RIMS1: variants seen among roughly 807,000 people sequenced by gnomAD.
The protein encoded by RIMS1 is regulating synaptic membrane exocytosis protein 1.
In RIMS1, 83 loss-of-function variants were observed where a neutral mutation model predicts 214.1. The ratio of observed to expected loss-of-function variants is 0.39; its 90% CI spans 0.32 to 0.47. RIMS1 has a LOEUF of 0.47. Among genes scored for constraint, RIMS1 ranks in the 20% least tolerant of loss-of-function variants. RIMS1 has a pLI of 0.99. For missense variants in RIMS1, 2,050 were observed against 2,161.8 expected (o/e 0.95, Z 1.03); for synonymous variants, 793 against 786.8 (o/e 1.01, Z -0.13).
At position 72,125,778 on chromosome 6, in the gene RIMS1, G is replaced by A. The variant is rs184843679; in HGVS notation, c.471+25792G>A. ...TAGCAGTGAGCAAGACTCTGTGGAC[G>A]TGGGACCCACCAAGCCAGGTGTGGG... On this transcript the variant is annotated intron_variant, in intron 4 of 33. Coordinates refer to ENST00000521978, the MANE Select transcript of RIMS1 (RefSeq NM_014989.7). 5.6e-3 allele frequency among the ~76,000 whole-genome samples: 847 copies of A among 152,312 alleles called. 10 individuals are homozygous for A. The highest frequency in any genetic ancestry group is 0.019 in the African/African-American group (799 of 41,568).
At chr6:72,350,757 G>A (rs776231925) in intron 29 of RIMS1, among the ~76,000 whole-genome samples, 35 of 152,214 alleles carry the variant, frequency 2.3e-4, no homozygotes, top group Admixed American at 5.2e-4. Context: ...CATTTACTAA[G>A]TAGTATATCA....
At chr6:72,331,071 G>A (rs546275275) in intron 28 of RIMS1, among the ~76,000 whole-genome samples, 2 of 151,648 alleles carry the variant, frequency 1.3e-5, no homozygotes, top group South Asian at 4.2e-4. Context: ...TGTCAAAATT[G>A]TAGAATATTT....
chr6:72,168,536 C>T (rs1222999953), intron 4 of RIMS1, among the ~76,000 whole-genome samples: 1 of 152,092 alleles, frequency 6.6e-6, no homozygotes, highest in Non-Finnish European at 1.5e-5. Flanking sequence ...GGAACATGCA[C>T]AGTGTGTTTA....
intron 8 of RIMS1, 92 bp from the exon 9 acceptor site, chr6:72,237,731 G>T: frequency 2.2e-6 from 2 of 898,076 alleles, no homozygotes; most frequent in Non-Finnish European, 3.5e-6. Flanking sequence ...AATTTCAAGT[G>T]TATCATAAAA....
chr6:71,913,129 A>C (rs535767314), intron 1 of RIMS1, among the ~76,000 whole-genome samples: 3 of 152,142 alleles, frequency 2.0e-5, no homozygotes, highest in African/African-American at 7.2e-5. Context: ...TATAGCCCAA[A>C]GTTTCTATAT....
chr6:72,084,837 T>C (rs1469436364), intron 2 of RIMS1, among the ~76,000 whole-genome samples: 5 of 152,286 alleles, frequency 3.3e-5, no homozygotes, highest in South Asian at 2.1e-4. Context: ...GGGATGCTGA[T>C]TGGATGAACT....
intron 2 of RIMS1, among the ~76,000 whole-genome samples, chr6:72,000,186 G>T (rs1804725397): frequency 6.6e-6 from 1 of 151,960 alleles, no homozygotes; most frequent in Non-Finnish European, 1.5e-5. Flanking sequence ...AATCTTATAT[G>T]ATATTAATAC....
intron 4 of RIMS1, among the ~76,000 whole-genome samples, chr6:72,119,557 A>G (rs2153829241): frequency 6.6e-6 from 1 of 151,990 alleles, no homozygotes; most frequent in African/African-American, 2.4e-5. Flanking sequence ...AAATTATACT[A>G]CAAGGCTATA....
At chr6:71,942,218 C>T (rs908443265) in intron 1 of RIMS1, among the ~76,000 whole-genome samples, 1 of 152,162 alleles carries the variant, frequency 6.6e-6, no homozygotes, top group Non-Finnish European at 1.5e-5. Flanking sequence ...GTATAGGTAA[C>T]TCCATAACTG....
chr6:72,083,119 G>T (rs1046164563), intron 2 of RIMS1, among the ~76,000 whole-genome samples: 1 of 151,988 alleles, frequency 6.6e-6, no homozygotes, highest in Non-Finnish European at 1.5e-5. Flanking sequence ...TAATAAGAAG[G>T]ATACATTTGA....
At chr6:72,048,334 C>G (rs66486849) in intron 2 of RIMS1, among the ~76,000 whole-genome samples, 12,175 of 152,146 alleles carry the variant, frequency 0.08, 536 homozygotes, top group African/African-American at 0.1. Flanking sequence ...CAACGAAGTT[C>G]CTTTGCTGGG....
chr6:72,356,914 A>G (rs1056902638), intron 29 of RIMS1, among the ~76,000 whole-genome samples: 3 of 152,202 alleles, frequency 2.0e-5, no homozygotes, highest in African/African-American at 7.2e-5. Context: ...TGAGCTTCAA[A>G]TATCCTCTGA....
chr6:72,373,966 G>A (rs2098296706), intron 29 of RIMS1, among the ~76,000 whole-genome samples: 1 of 152,058 alleles, frequency 6.6e-6, no homozygotes, highest in East Asian at 1.9e-4. Flanking sequence ...CCAGGCTGGA[G>A]TGCAGTGGCG....
At chr6:72,259,697 A>G (rs1051285177) in intron 18 of RIMS1, among the ~76,000 whole-genome samples, 3 of 152,162 alleles carry the variant, frequency 2.0e-5, no homozygotes, top group South Asian at 2.1e-4. Flanking sequence ...TTTCACGGAA[A>G]TAATTACTAT....
At chr6:72,320,341 TCTA>T (rs2096077634) in intron 28 of RIMS1, among the ~76,000 whole-genome samples, 1 of 152,146 alleles carries the variant, frequency 6.6e-6, no homozygotes, top group African/African-American at 2.4e-5. Flanking sequence ...CTAAAGCAGT[TCTA>T]CTAGTATTTG....
chr6:72,251,378 G>C lies in RIMS1; in HGVS notation c.2698+10G>C. ...AGCAAAAAGCTACAAAGTAGGTTAA[G>C]GTCCTTTTAGTTGCCACAAAGTAAT... On this transcript the variant is annotated intron_variant, in intron 15 of 33. Coordinates refer to ENST00000521978, the MANE Select transcript of RIMS1 (RefSeq NM_014989.7). The C allele has an allele frequency of 6.4e-7, 1 of 1,560,444 alleles. No homozygotes were observed. Among genetic ancestry groups the C allele is most frequent in the Non-Finnish European group, 8.7e-7 (1 of 1,153,834 alleles).
At chr6:72,005,189 G>T (rs1000178302) in intron 2 of RIMS1, among the ~76,000 whole-genome samples, 3 of 152,074 alleles carry the variant, frequency 2.0e-5, no homozygotes, top group Non-Finnish European at 4.4e-5. Context: ...TTAGATATGC[G>T]GCGTTATTTC....
chr6:72,260,588 T>G, intron 18 of RIMS1, 117 bp from the exon 19 acceptor site: 1 of 1,348,034 alleles, frequency 7.4e-7, no homozygotes, highest in Non-Finnish European at 1.0e-6. Flanking sequence ...CTCAAGCAAA[T>G]ATGCTAGTGC....
chr6:72,024,900 GT>G (rs777214787), intron 2 of RIMS1, among the ~76,000 whole-genome samples: 1,664 of 98,628 alleles, frequency 0.017, 15 homozygotes, highest in African/African-American at 0.042. Context: ...AAATCTGTGG[GT>G]TTTTTTTTTT....
Sources: gnomAD v4.1 joint callset for allele counts (sites outside exome capture counted in the v4.1 genomes callset) on GRCh38, gnomAD v4.1.1 for gene constraint, MANE v1.5 for transcripts, NCBI Gene and HGNC (gene_info 2026-07-23, HGNC 2026-07-21) for gene names.